RS1: variants seen among roughly 807,000 people sequenced by gnomAD.
RS1 encodes the protein retinoschisin 1.
Under a neutral mutation model 20.8 loss-of-function variants are expected in RS1, and 2 were observed. That is an observed-to-expected ratio of 0.10 (90% CI 0.04 to 0.30). The LOEUF is 0.30. Ranked by LOEUF, RS1 falls within the 10% of genes least tolerant of loss-of-function variation. RS1 has a pLI of 1.00. For missense variants in RS1, 151 were observed against 189.8 expected (o/e 0.80, Z 1.20); for synonymous variants, 70 against 75.8 (o/e 0.92, Z 0.40).
At chrX:18,653,691 A>G in intron 3 of RS1, 2 of 832,668 alleles carry the variant, frequency 2.4e-6, no homozygotes, top group Non-Finnish European at 3.4e-6. Flanking sequence ...AACCAGGGCC[A>G]GGTGCAGTGG....
At chrX:18,658,612 C>T (rs1370798088) in intron 1 of RS1, among the ~76,000 whole-genome samples, 1 of 69,870 alleles carries the variant, frequency 1.4e-5, no homozygotes, top group Non-Finnish European at 3.5e-5. Context: ...CATACCACCA[C>T]ACCTGGCTAA....
chrX:18,665,130 C>T (rs1003709762), intron 1 of RS1, among the ~76,000 whole-genome samples: 14 of 112,062 alleles, frequency 1.2e-4, no homozygotes, highest in African/African-American at 4.5e-4. Context: ...CTATGGCCAC[C>T]AGGGGCTTTC....
At chrX:18,648,197 G>A (rs1387781736) in intron 3 of RS1, among the ~76,000 whole-genome samples, 4 of 110,934 alleles carry the variant, frequency 3.6e-5, no homozygotes, top group African/African-American at 1.3e-4. Flanking sequence ...TACCTGGTCA[G>A]AGGCTGCCAA....
chrX:18,668,832 G>C (rs1928444259), intron 1 of RS1, among the ~76,000 whole-genome samples: 1 of 112,082 alleles, frequency 8.9e-6, no homozygotes, highest in African/African-American at 3.2e-5. Flanking sequence ...CTGGGGGAGG[G>C]GGGAGACAGG....
intron 1 of RS1, among the ~76,000 whole-genome samples, chrX:18,669,034 A>G (rs933632903): frequency 6.2e-5 from 7 of 112,363 alleles, no homozygotes; most frequent in African/African-American, 2.3e-4. Flanking sequence ...ATGGTAACAC[A>G]GTCACCTATA....
chrX:18,652,530 G>A (rs951220992), intron 3 of RS1, among the ~76,000 whole-genome samples: 12 of 111,403 alleles, frequency 1.1e-4, no homozygotes, highest in Admixed American at 3.8e-4. Flanking sequence ...TTAGCCGAGC[G>A]CAGTGGTTGG....
chrX:18,667,506 C>T (rs2093131467), intron 1 of RS1, among the ~76,000 whole-genome samples: 1 of 105,046 alleles, frequency 9.5e-6, no homozygotes, highest in African/African-American at 3.5e-5. Context: ...AAGATCACGC[C>T]ACTGCACTCC....
chrX:18,670,223 CTTTTTTTTTTTT>C (rs34539361), intron 1 of RS1, among the ~76,000 whole-genome samples: 1 of 78,607 alleles, frequency 1.3e-5, no homozygotes, highest in Non-Finnish European at 2.4e-5. Flanking sequence ...ATGTCAAGTC[CTTTTTTTTTTTT>C]TTTTTTTTGA....
intron 1 of RS1, among the ~76,000 whole-genome samples, chrX:18,669,708 G>T (rs2147208751): frequency 9.0e-6 from 1 of 111,268 alleles, no homozygotes; most frequent in South Asian, 3.8e-4. Flanking sequence ...TCTTTCCCAT[G>T]TCTATGGGCC....
At chrX:18,666,217 G>C (rs1395406877) in intron 1 of RS1, among the ~76,000 whole-genome samples, 1 of 111,813 alleles carries the variant, frequency 8.9e-6, no homozygotes, top group African/African-American at 3.3e-5. Context: ...AGAATAGATA[G>C]TATGGAAAAT....
intron 1 of RS1, among the ~76,000 whole-genome samples, chrX:18,661,460 A>T (rs956453409): frequency 8.9e-6 from 1 of 111,773 alleles, no homozygotes; most frequent in Non-Finnish European, 1.9e-5. Context: ...TGCCGTCTGT[A>T]GGCGGCTTGT....
rs376557374 is a variant in RS1, at chrX:18,650,479, G to T, written c.185-3147C>A. The T allele has an allele frequency of 1.9e-5, 23 of 1,211,656 alleles. No individual in the cohort carries two copies. In the South Asian group the frequency reaches 3.7e-4, roughly 19 times the overall value. The stretch of plus-strand genomic sequence containing the variant: ...TGCGTCCCAAACCGAGCCCTTCATC[G>T]TCCAATCTCCAGTCCTGCTCCCTAT... On this transcript the variant is annotated intron_variant, in intron 3 of 5. Coordinates refer to ENST00000379984, the MANE Select transcript of RS1 (RefSeq NM_000330.4).
At chrX:18,664,107 G>A (rs1210861495) in intron 1 of RS1, among the ~76,000 whole-genome samples, 1 of 112,111 alleles carries the variant, frequency 8.9e-6, no homozygotes, top group Non-Finnish European at 1.9e-5. Context: ...CCAAAAACAT[G>A]TGCTAGATGA....
At chrX:18,671,963 A>T in intron 1 of RS1, 54 bp downstream of exon 1, 1 of 980,472 alleles carries the variant, frequency 1.0e-6, no homozygotes, top group Non-Finnish European at 1.5e-6. Context: ...CAACGATATT[A>T]ATTAAATTAT....
chrX:18,648,183 G>A (rs1037851744), intron 3 of RS1, among the ~76,000 whole-genome samples: 5 of 110,971 alleles, frequency 4.5e-5, no homozygotes, highest in South Asian at 3.8e-4. Flanking sequence ...GCACAGTGTC[G>A]AGTTACCTGG....
chrX:18,641,351 G>A lies in RS1; in HGVS notation c.*653C>T, dbSNP rs1927568287. On this transcript the variant is annotated 3_prime_UTR_variant, in exon 6 of 6. Transcript: ENST00000379984. ...CCTCCCCAATCCCTGTGTTCATGAGGGTGGAAGCCCAGATCCGCCTTGAAG... is the reference window on the plus strand; with the variant it reads ...CCTCCCCAATCCCTGTGTTCATGAGAGTGGAAGCCCAGATCCGCCTTGAAG... 2 of 113,651 alleles carry A rather than the reference G, an allele frequency of 1.8e-5. No homozygotes were observed. Among genetic ancestry groups the A allele is most frequent in the Non-Finnish European group, 1.8e-5 (1 of 54,455 alleles). The allele number at this position is 113,651 out of a possible 1,213,427, so 9.4% of individuals were successfully genotyped here.
At chrX:18,657,217 C>CTT (rs749358875) in intron 2 of RS1, among the ~76,000 whole-genome samples, 12 of 65,139 alleles carry the variant, frequency 1.8e-4, no homozygotes, top group South Asian at 9.5e-4. Flanking sequence ...AAAAAAAATA[C>CTT]TTTTTTTTTT....
At chrX:18,642,482 G>A (rs779357174) in intron 5 of RS1, among the ~76,000 whole-genome samples, 6 of 109,051 alleles carry the variant, frequency 5.5e-5, no homozygotes, top group Admixed American at 9.5e-5. Context: ...GTGCAGATGT[G>A]AACATTTCCA....
intron 1 of RS1, among the ~76,000 whole-genome samples, chrX:18,658,488 T>A (rs1602320784): frequency 9.1e-6 from 1 of 110,346 alleles, no homozygotes; most frequent in African/African-American, 3.3e-5. Context: ...GGAGTTTCAC[T>A]CTTGTTGCCC....
Sources: gnomAD v4.1 joint callset for allele counts (sites outside exome capture counted in the v4.1 genomes callset) on GRCh38, gnomAD v4.1.1 for gene constraint, MANE v1.5 for transcripts, NCBI Gene and HGNC (gene_info 2026-07-23, HGNC 2026-07-21) for gene names.